The following LHPP variants were observed in gnomAD, a reference collection of about 807,000 sequenced individuals.
LHPP encodes the protein phospholysine phosphohistidine inorganic pyrophosphate phosphatase, also known as hLHPP.
Under a neutral mutation model 30.3 loss-of-function variants are expected in LHPP, and 24 were observed. That is an observed-to-expected ratio of 0.79 (90% confidence interval 0.57 to 1.11). The LOEUF (loss-of-function observed/expected upper bound fraction) is 1.11, where lower values mean the gene tolerates loss of function less well. LHPP is among the 50% of genes most tolerant of loss of function. The pLI is 0.00. For synonymous variants in LHPP, 150 were observed against 157.1 expected (o/e 0.95, Z 0.34); for missense variants, 356 against 367.2 (o/e 0.97, Z 0.25).
intron 5 of LHPP, among the ~76,000 whole-genome samples, chr10:124,511,026 C>T (rs917051849): frequency 7.2e-5 from 11 of 152,196 alleles, no homozygotes; most frequent in African/African-American, 2.7e-4. Context: ...TGTGTCTTGC[C>T]TGGCCAGGTG....
chr10:124,598,819 C>A (rs554583447), intron 6 of LHPP, among the ~76,000 whole-genome samples: 2 of 151,876 alleles, frequency 1.3e-5, no homozygotes, highest in Non-Finnish European at 2.9e-5. Context: ...CTGTCCATCC[C>A]CATCCATCCA....
intron 6 of LHPP, chr10:124,554,012 T>C (rs1948239885): frequency 1.0e-6 from 1 of 985,324 alleles, no homozygotes; most frequent in Admixed American, 6.1e-5. Context: ...ATGTGAGTCT[T>C]CTTCGAGAGA....
intron 5 of LHPP, among the ~76,000 whole-genome samples, chr10:124,512,329 T>C (rs905840570): frequency 6.6e-6 from 1 of 152,122 alleles, no homozygotes; most frequent in South Asian, 2.1e-4. Flanking sequence ...CTTTGTAACA[T>C]GTTTAGGCCG....
chr10:124,497,593 C>T (rs1214875092), intron 4 of LHPP, among the ~76,000 whole-genome samples: 5 of 152,270 alleles, frequency 3.3e-5, no homozygotes, highest in Admixed American at 3.3e-4. Flanking sequence ...CCCATCCTCA[C>T]AGCTGCAGCC....
At chr10:124,569,525 G>A (rs374541231) in intron 6 of LHPP, among the ~76,000 whole-genome samples, 207 of 152,292 alleles carry the variant, frequency 1.4e-3, no homozygotes, top group African/African-American at 4.8e-3. Flanking sequence ...AAAGGCAAAC[G>A]GGAACGTGGC....
chr10:124,477,517 C>T (rs1952987977), intron 1 of LHPP, among the ~76,000 whole-genome samples: 1 of 152,192 alleles, frequency 6.6e-6, no homozygotes, highest in Admixed American at 6.5e-5. Context: ...CCCTCCACCC[C>T]TTTGCCCTGC....
chr10:124,546,748 A>G (rs1044648666), intron 6 of LHPP, among the ~76,000 whole-genome samples: 6 of 152,008 alleles, frequency 3.9e-5, no homozygotes, highest in Non-Finnish European at 7.4e-5. Flanking sequence ...AGGTCTTTCT[A>G]TGACCCACCT....
At chr10:124,552,675 G>T (rs1948192884) in intron 6 of LHPP, among the ~76,000 whole-genome samples, 1 of 152,164 alleles carries the variant, frequency 6.6e-6, no homozygotes, top group East Asian at 1.9e-4. Flanking sequence ...TAGATGGACT[G>T]GACGCGTGGC....
intron 3 of LHPP, chr10:124,493,747 AACATTC>A (rs1250641753): frequency 5.3e-5 from 8 of 152,200 alleles, no homozygotes; most frequent in Non-Finnish European, 5.9e-5. Flanking sequence ...TTGTGGCTAG[AACATTC>A]ACGTCCTAAG....
At chr10:124,555,643 G>A (rs190549681) in intron 6 of LHPP, among the ~76,000 whole-genome samples, 50 of 152,312 alleles carry the variant, frequency 3.3e-4, no homozygotes, top group African/African-American at 1.2e-3. Context: ...ACAGTCCTGC[G>A]CTGCCTGGTG....
intron 6 of LHPP, among the ~76,000 whole-genome samples, chr10:124,573,653 T>C (rs1456013635): frequency 4.6e-5 from 7 of 152,228 alleles, no homozygotes. Context: ...TGTATACTTG[T>C]GTGACTATTT....
rs186903818 is a variant in LHPP, at chr10:124,516,444, T to G, written c.625-736T>G. 1.2e-3 allele frequency among the ~76,000 whole-genome samples: 184 copies of G among 152,306 alleles called. 1 individual carries two copies. The highest frequency in any genetic ancestry group is 2.3e-3 in the Non-Finnish European group (154 of 68,016). ...GAATTTGTGGGGGACACACTTGAGT[T>G]CACAGCACCCCTCCTGTGTCCACAG... is the stretch of plus-strand genomic sequence containing the variant. On this transcript the variant is annotated intron_variant, in intron 5 of 6. Coordinates refer to ENST00000368842, the MANE Select transcript of LHPP (RefSeq NM_022126.4).
At chr10:124,511,432 G>C (rs964484907) in intron 5 of LHPP, among the ~76,000 whole-genome samples, 1 of 152,208 alleles carries the variant, frequency 6.6e-6, no homozygotes, top group African/African-American at 2.4e-5. Flanking sequence ...AAAATCCGTG[G>C]AAAGTATGAA....
At chr10:124,518,254 T>A (rs1315854563) in intron 6 of LHPP, among the ~76,000 whole-genome samples, 1 of 152,210 alleles carries the variant, frequency 6.6e-6, no homozygotes, top group African/African-American at 2.4e-5. Flanking sequence ...CATATGGGCC[T>A]TCTTTCTTTC....
chr10:124,560,070 G>T (rs985476768), intron 6 of LHPP, among the ~76,000 whole-genome samples: 2 of 152,342 alleles, frequency 1.3e-5, no homozygotes, highest in East Asian at 3.9e-4. Context: ...TCCTGCCTTG[G>T]CACAGCTCAT....
intron 6 of LHPP, among the ~76,000 whole-genome samples, chr10:124,567,563 G>A (rs752437322): frequency 6.6e-6 from 1 of 152,248 alleles, no homozygotes; most frequent in Admixed American, 6.5e-5. Flanking sequence ...GGCTATTGGA[G>A]TTCTTAATAT....
At chr10:124,542,243 C>T (rs1564819914) in intron 6 of LHPP, among the ~76,000 whole-genome samples, 2 of 152,208 alleles carry the variant, frequency 1.3e-5, no homozygotes, top group Non-Finnish European at 2.9e-5. Flanking sequence ...ACAGATCGGA[C>T]TGTGACCCCA....
chr10:124,557,798 G>A (rs1249066035), intron 6 of LHPP, among the ~76,000 whole-genome samples: 1 of 152,104 alleles, frequency 6.6e-6, no homozygotes, highest in African/African-American at 2.4e-5. Flanking sequence ...CTGCACAGGC[G>A]TGGACCGTGG....
At position 124,517,288 on chromosome 10, in the gene LHPP, G is replaced by T; in HGVS notation, c.716+17G>T. 6.5e-7 allele frequency: 1 copy of T among 1,530,584 alleles called. No individual in the cohort carries two copies. 94.8% of individuals were successfully genotyped at this position (1,530,584 alleles called of 1,614,324 possible). On this transcript the variant is annotated intron_variant, in intron 6 of 6. Coordinates refer to ENST00000368842, the MANE Select transcript of LHPP (RefSeq NM_022126.4). This position sits in a 1 kb window ranked among gnomAD's most constrained non-coding sequence, Gnocchi z 4.1. ...GAAGTTCAGGTCAGTGCCAGCTGGA[G>T]TCATTTATTCACCTTCCTTCCAGGG...
Sources: allele counts gnomAD v4.1 joint callset (sites outside exome capture counted in the v4.1 genomes callset), GRCh38; gene constraint gnomAD v4.1.1; non-coding constraint Gnocchi (gnomAD v3.1); transcripts MANE v1.5; gene names NCBI Gene and HGNC (gene_info 2026-07-23, HGNC 2026-07-21).